The following MRAP variants were observed in gnomAD, a reference collection of about 807,000 sequenced individuals.
MRAP encodes melanocortin-2 receptor accessory protein.
Under a neutral mutation model 8.7 loss-of-function variants are expected in MRAP, and 8 were observed. The observed-to-expected ratio is 0.92, with a 90% CI of 0.54 to 1.66. The LOEUF (loss-of-function observed/expected upper bound fraction) is 1.66. Among genes scored for constraint, MRAP ranks in the 40% most tolerant of loss-of-function variants. The pLI is 0.00. For missense variants in MRAP, 237 were observed against 217.1 expected (o/e 1.09, Z -0.58); for synonymous variants, 95 against 95.5 (o/e 1.00, Z 0.03).
chr21:32,303,586 A>T (rs1015528450), intron 1 of MRAP, among the ~76,000 whole-genome samples: 1 of 152,182 alleles, frequency 6.6e-6, no homozygotes, highest in Non-Finnish European at 1.5e-5. Context: ...AGAGGGAAGG[A>T]AAGGAGGAAA....
chr21:32,297,736 C>T (rs2032166157), upstream of MRAP, among the ~76,000 whole-genome samples: 1 of 152,206 alleles, frequency 6.6e-6, no homozygotes, highest in South Asian at 2.1e-4. Context: ...AGTCTGGCGT[C>T]AGAAATGTAC....
downstream of MRAP, chr21:32,313,366 T>A (rs557654953): frequency 6.6e-6 from 1 of 152,332 alleles, no homozygotes; most frequent in Non-Finnish European, 1.5e-5. Context: ...GGATAAAGAT[T>A]AAGGGGAACC....
rs150795439 is a variant in MRAP, at chr21:32,305,576, T to C, written c.107-1064T>C. Among the ~76,000 whole-genome samples, 200 of 152,284 alleles carry C rather than the reference T, an allele frequency of 1.3e-3. 2 individuals are homozygous for C. Among genetic ancestry groups the C allele is most frequent in the African/African-American group, 4.6e-3 (193 of 41,564 alleles). ...AACATTGTGGGTGAATGAGGGGAGT[T>C]AGCAATTTCTAATGTGCTGGTTTAG... On this transcript the variant is annotated intron_variant, in intron 1 of 2. Transcript: ENST00000303645.
In MRAP at chr21:32,312,246, C is replaced by T. The variant is rs1359647623; in HGVS notation, c.*250C>T. ...TGCTTGCTTACTGCTTATATTTGCT[C>T]AGGGAAGAGTAGGAAAATAAAATAT... On this transcript the variant is annotated 3_prime_UTR_variant, in exon 3 of 3. Coordinates refer to ENST00000303645, the MANE Select transcript of MRAP (RefSeq NM_001379228.1). 3 of 1,423,766 alleles carry T rather than the reference C, an allele frequency of 2.1e-6. No individual in the cohort carries two copies. The highest frequency in any genetic ancestry group is 2.7e-6 in the Non-Finnish European group (3 of 1,092,188). The allele number at this position is 1,423,766 out of a possible 1,614,324, so 88.2% of individuals were successfully genotyped here. A position where few individuals can be genotyped will look rare whatever the true frequency, so the allele number is the denominator to read the frequency against.
intron 1 of MRAP, among the ~76,000 whole-genome samples, chr21:32,304,961 T>C (rs1428168541): frequency 3.6e-5 from 4 of 111,692 alleles, no homozygotes; most frequent in African/African-American, 1.2e-4. Flanking sequence ...TTGTTTTTTT[T>C]GTTGTTTTTT....
Position 32,312,101 on chromosome 21 carries a change from G to A in MRAP, c.*105G>A. 2 of 1,581,450 alleles carry A rather than the reference G, an allele frequency of 1.3e-6. No homozygotes were observed. The highest frequency in any genetic ancestry group is 2.3e-5 in the South Asian group (2 of 88,460). Reference sequence around the variant, plus strand: ...GAGGCCATTTGCATGTAGCAGAAAGGGCACCTAGGTCAAGTGCAACTAGAG... The same window carrying A: ...GAGGCCATTTGCATGTAGCAGAAAGAGCACCTAGGTCAAGTGCAACTAGAG... On this transcript the variant is annotated 3_prime_UTR_variant, in exon 3 of 3. Coordinates refer to ENST00000303645, the MANE Select transcript of MRAP (RefSeq NM_001379228.1).
intron 2 of MRAP, chr21:32,308,404 AAAAG>A (rs1033168087): frequency 1.3e-5 from 2 of 152,894 alleles, no homozygotes; most frequent in African/African-American, 2.4e-5. Context: ...AGAAAAAAGA[AAAAG>A]AAAGATCCTT....
At position 32,309,444 on chromosome 21, in the gene MRAP, A is replaced by C. The variant is rs112959176; in HGVS notation, c.207-2240A>C. Reference sequence around the variant, plus strand: ...GAAGGTAGCTTTAGAGCAATGAAGAAATTCATTTTTTTTTTTTTGTTTTTG... The same window carrying C: ...GAAGGTAGCTTTAGAGCAATGAAGACATTCATTTTTTTTTTTTTGTTTTTG... On this transcript the variant is annotated intron_variant, in intron 2 of 2. Coordinates refer to ENST00000303645, the MANE Select transcript of MRAP (RefSeq NM_001379228.1). Among the ~76,000 whole-genome samples, 1,068 of 146,070 alleles carry C rather than the reference A, an allele frequency of 7.3e-3. 14 individuals are homozygous for C. The highest frequency in any genetic ancestry group is 0.028 in the African/African-American group (1,036 of 36,934).
At chr21:32,314,703 ACT>A (rs1318454198), downstream of MRAP, 1 of 1,571,552 alleles carries the variant, frequency 6.4e-7, no homozygotes, top group Admixed American at 1.7e-5. Context: ...ATTCCTTGCA[ACT>A]CTGATGCTGG....
intron 1 of MRAP, among the ~76,000 whole-genome samples, chr21:32,305,345 C>A (rs888266514): frequency 6.6e-6 from 1 of 151,986 alleles, no homozygotes; most frequent in African/African-American, 2.4e-5. Flanking sequence ...GTTTTTCCTG[C>A]TATCTCTCAG....
chr21:32,298,442 C>T (rs2032182073), upstream of MRAP, among the ~76,000 whole-genome samples: 1 of 152,162 alleles, frequency 6.6e-6, no homozygotes, highest in African/African-American at 2.4e-5. Context: ...GCTGGCATCA[C>T]TCGATTTCTG....
intron 2 of MRAP, among the ~76,000 whole-genome samples, chr21:32,293,575 G>A (rs79165763): frequency 0.015 from 2,307 of 152,116 alleles, 62 homozygotes; most frequent in African/African-American, 0.052. Flanking sequence ...AAAGCACCTC[G>A]TCCAGGTCAT....
intron 1 of MRAP, among the ~76,000 whole-genome samples, chr21:32,300,768 CGTCATGCCTCCTATGTCGGATGT>C (rs1269386549): frequency 2.2e-5 from 3 of 138,674 alleles, no homozygotes; most frequent in African/African-American, 8.3e-5. Flanking sequence ...ATGTCAGGGG[CGTCATGCCTCCTATGTCGGATGT>C]GTCATGCATC....
intron 1 of MRAP, among the ~76,000 whole-genome samples, chr21:32,300,746 G>A (rs895909271): frequency 1.9e-5 from 2 of 107,512 alleles, no homozygotes; most frequent in Admixed American, 1.1e-4. Flanking sequence ...ATGTCAGTGT[G>A]TCGTGCGTCC....
intron 2 of MRAP, among the ~76,000 whole-genome samples, chr21:32,308,319 G>C (rs1372355832): frequency 6.6e-6 from 1 of 152,084 alleles, no homozygotes; most frequent in African/African-American, 2.4e-5. Flanking sequence ...AGAGGTTGCA[G>C]TGAACCGAGA....
intron 2 of MRAP, among the ~76,000 whole-genome samples, chr21:32,310,436 T>A (rs2032531997): frequency 6.6e-6 from 1 of 152,122 alleles, no homozygotes; most frequent in South Asian, 2.1e-4. Flanking sequence ...TTGGTACTCT[T>A]CATTTGTGCC....
chr21:32,292,864 GTTTAT>G, intron 1 of MRAP: 1 of 152,160 alleles, frequency 6.6e-6, no homozygotes, highest in Non-Finnish European at 1.5e-5. Flanking sequence ...AAAGAAGTGT[GTTTAT>G]TTTGAGGATT....
chr21:32,298,009 A>G (rs2032172245), upstream of MRAP, among the ~76,000 whole-genome samples: 1 of 152,202 alleles, frequency 6.6e-6, no homozygotes, highest in Non-Finnish European at 1.5e-5. Context: ...AGCTGGGCGT[A>G]TTGGAGGGAA....
upstream of MRAP, among the ~76,000 whole-genome samples, chr21:32,295,343 T>G (rs1232155580): frequency 1.3e-5 from 2 of 152,180 alleles, no homozygotes; most frequent in Non-Finnish European, 2.9e-5. Flanking sequence ...GGACTTGCAT[T>G]CCTTCTCCCC....
Sources: gnomAD v4.1 joint callset for allele counts (sites outside exome capture counted in the v4.1 genomes callset) on GRCh38, gnomAD v4.1.1 for gene constraint, MANE v1.5 for transcripts, NCBI Gene and HGNC (gene_info 2026-07-23, HGNC 2026-07-21) for gene names.